The following KSR2 variants were observed in gnomAD, a reference collection of about 807,000 sequenced individuals.
KSR2 encodes kinase suppressor of ras 2.
KSR2 carries 25 observed loss-of-function variants against 107.8 expected under a neutral mutation model. That is an observed-to-expected ratio of 0.23 (90% CI 0.17 to 0.32). The LOEUF (loss-of-function observed/expected upper bound fraction) is 0.32. KSR2 is among the 10% of genes least tolerant of loss of function. The pLI, the probability that KSR2 is intolerant of heterozygous loss-of-function variation, is 1.00. For synonymous variants in KSR2, 480 were observed against 507.0 expected (o/e 0.95, Z 0.71); for missense variants, 887 against 1,268.9 (o/e 0.70, Z 4.57).
chr12:117,692,408 A>T (rs1222336503), intron 4 of KSR2, among the ~76,000 whole-genome samples: 15 of 145,328 alleles, frequency 1.0e-4, no homozygotes, highest in Non-Finnish European at 6.0e-5. Context: ...GTTCCTCAAA[A>T]AATTAAAGAT....
intron 14 of KSR2, among the ~76,000 whole-genome samples, chr12:117,503,940 G>A (rs1438275141): frequency 6.6e-6 from 1 of 152,144 alleles, no homozygotes; most frequent in Admixed American, 6.5e-5. Flanking sequence ...ATTTTCCTTT[G>A]TGTTGAAAAA....
rs1357869276 is a variant in KSR2, at chr12:117,749,451, G to T, written c.986+11560C>A. Among the ~76,000 whole-genome samples the T allele has an allele frequency of 1.3e-5, 2 of 149,332 alleles. 1 individual carries two copies. The highest frequency in any genetic ancestry group is 4.9e-5 in the African/African-American group (2 of 40,698). Reference sequence around the variant, plus strand: ...AATAACGAGAGGAAGGCAGGCACTAGGTAAGTCAAAGAACTCGATATACCA... The same window carrying T: ...AATAACGAGAGGAAGGCAGGCACTATGTAAGTCAAAGAACTCGATATACCA... On this transcript the variant is annotated intron_variant, in intron 4 of 19. Coordinates refer to ENST00000339824, the MANE Select transcript of KSR2 (RefSeq NM_173598.6).
intron 14 of KSR2, among the ~76,000 whole-genome samples, chr12:117,492,468 A>T (rs938142061): frequency 2.0e-5 from 3 of 151,844 alleles, no homozygotes; most frequent in African/African-American, 7.3e-5. Context: ...GAGGACTGAC[A>T]CCCTGGCTCC....
chr12:117,946,061 T>A (rs1896171785), intron 1 of KSR2, among the ~76,000 whole-genome samples: 1 of 152,154 alleles, frequency 6.6e-6, no homozygotes, highest in South Asian at 2.1e-4. Flanking sequence ...ATTTGTGGGA[T>A]ACAGCTAAAG....
rs1234953098 is a variant in KSR2, at chr12:117,739,143, C to A, written c.986+21868G>T. On this transcript the variant is annotated intron_variant, in intron 4 of 19. Transcript: ENST00000339824. ...GGCCAAGGTGGGCAGATCACGAGGTCAGGAGACTGAGACTATCCTGGCTGA... is the reference window on the plus strand; with the variant it reads ...GGCCAAGGTGGGCAGATCACGAGGTAAGGAGACTGAGACTATCCTGGCTGA... 3.9e-5 allele frequency among the ~76,000 whole-genome samples: 6 copies of A among 152,290 alleles called. No homozygotes were observed. The East Asian group carries it at 9.7e-4, about 25-fold the overall frequency.
intron 14 of KSR2, among the ~76,000 whole-genome samples, chr12:117,507,828 G>A (rs1231831996): frequency 1.3e-5 from 2 of 152,134 alleles, no homozygotes; most frequent in Admixed American, 1.3e-4. Flanking sequence ...TATAAAATAG[G>A]CAGTGAGCAG....
At chr12:117,808,926 C>A (rs1891100588) in intron 3 of KSR2, among the ~76,000 whole-genome samples, 1 of 152,170 alleles carries the variant, frequency 6.6e-6, no homozygotes, top group African/African-American at 2.4e-5. Context: ...ATCTTACACA[C>A]CCTCTCCTTT....
chr12:117,480,204 A>G (rs1290976239), intron 16 of KSR2, among the ~76,000 whole-genome samples: 2 of 152,150 alleles, frequency 1.3e-5, no homozygotes, highest in African/African-American at 4.8e-5. Flanking sequence ...TGCCCCTGCC[A>G]AAGGGAAGCT....
intron 1 of KSR2, among the ~76,000 whole-genome samples, chr12:117,883,983 C>T (rs1894103033): frequency 6.6e-6 from 1 of 151,942 alleles, no homozygotes; most frequent in Non-Finnish European, 1.5e-5. Flanking sequence ...ATTCCTATGC[C>T]GTGGGGAGCT....
intron 1 of KSR2, among the ~76,000 whole-genome samples, chr12:117,895,076 A>T (rs1331732088): frequency 2.6e-5 from 4 of 151,720 alleles, no homozygotes; most frequent in African/African-American, 9.7e-5. Context: ...CAAAAAATTA[A>T]AAAAATTAGC....
chr12:117,742,111 T>C (rs1357485092), intron 4 of KSR2, among the ~76,000 whole-genome samples: 2 of 152,146 alleles, frequency 1.3e-5, no homozygotes, highest in Non-Finnish European at 2.9e-5. Context: ...TAAAACTGTA[T>C]AACCTGAATC....
At chr12:117,484,037 T>C (rs547896180) in intron 16 of KSR2, among the ~76,000 whole-genome samples, 1 of 152,376 alleles carries the variant, frequency 6.6e-6, no homozygotes, top group South Asian at 2.1e-4. Flanking sequence ...AACTGTACTC[T>C]TCCTGTACTA....
At chr12:117,737,510 C>T (rs1052081541) in intron 4 of KSR2, among the ~76,000 whole-genome samples, 7 of 152,166 alleles carry the variant, frequency 4.6e-5, no homozygotes, top group Middle Eastern at 3.4e-3. Flanking sequence ...AGGCCAGGTG[C>T]GGTGGCTCGT....
At chr12:117,541,842 T>C (rs1876513326) in intron 9 of KSR2, among the ~76,000 whole-genome samples, 1 of 152,182 alleles carries the variant, frequency 6.6e-6, no homozygotes, top group Admixed American at 6.5e-5. Flanking sequence ...TGCTTCTGGG[T>C]CAGTGAGTCT....
intron 14 of KSR2, among the ~76,000 whole-genome samples, chr12:117,495,787 G>A (rs1337992377): frequency 1.3e-5 from 2 of 152,188 alleles, no homozygotes; most frequent in Non-Finnish European, 2.9e-5. Context: ...GGGCGCAGTG[G>A]CTCACACCTG....
At chr12:117,688,293 T>C (rs985192824) in intron 4 of KSR2, among the ~76,000 whole-genome samples, 1 of 152,076 alleles carries the variant, frequency 6.6e-6, no homozygotes, top group Non-Finnish European at 1.5e-5. Context: ...GGCGGGAGAA[T>C]CGCTTGAACC....
At chr12:117,845,187 T>A (rs1221030443) in intron 3 of KSR2, among the ~76,000 whole-genome samples, 1 of 152,084 alleles carries the variant, frequency 6.6e-6, no homozygotes, top group South Asian at 2.1e-4. Flanking sequence ...TTCTAGTGCA[T>A]CAGACAGCGA....
At chr12:117,746,931 A>G (rs979621097) in intron 4 of KSR2, among the ~76,000 whole-genome samples, 2 of 152,214 alleles carry the variant, frequency 1.3e-5, no homozygotes, top group African/African-American at 4.8e-5. Flanking sequence ...GTCAGGAAAC[A>G]ATAGATGCTG....
At chr12:117,694,436 G>A (rs550898379) in intron 4 of KSR2, among the ~76,000 whole-genome samples, 2 of 152,274 alleles carry the variant, frequency 1.3e-5, no homozygotes, top group East Asian at 3.9e-4. Flanking sequence ...GGCCTCCCCA[G>A]CCACATGGAA....
Sources: gnomAD v4.1 joint callset for allele counts (sites outside exome capture counted in the v4.1 genomes callset) on GRCh38, gnomAD v4.1.1 for gene constraint, MANE v1.5 for transcripts, NCBI Gene and HGNC (gene_info 2026-07-23, HGNC 2026-07-21) for gene names.